PCDH15: variants seen among roughly 807,000 people sequenced by gnomAD.
PCDH15 encodes protocadherin-15.
A neutral mutation model predicts 178.5 loss-of-function variants in PCDH15; 129 were observed. The ratio of observed to expected loss-of-function variants is 0.72; its 90% CI spans 0.63 to 0.84. The LOEUF (loss-of-function observed/expected upper bound fraction) is 0.84. Among genes scored for constraint, PCDH15 ranks in the 40% least tolerant of loss-of-function variants. PCDH15 has a pLI of 0.00. For missense variants in PCDH15, 2,230 were observed against 2,099.9 expected (o/e 1.06, Z -1.21); for synonymous variants, 800 against 732.0 (o/e 1.09, Z -1.50).
chr10:54,659,658 G>C (rs1369197098), intron 2 of PCDH15, among the ~76,000 whole-genome samples: 1 of 151,794 alleles, frequency 6.6e-6, no homozygotes, highest in East Asian at 1.9e-4. Flanking sequence ...GGAAACTGAG[G>C]CAGGAAAATC....
chr10:54,623,687 T>A (rs1037383975), intron 2 of PCDH15, among the ~76,000 whole-genome samples: 1 of 152,144 alleles, frequency 6.6e-6, no homozygotes, highest in African/African-American at 2.4e-5. Flanking sequence ...TGACCCTTAT[T>A]ATTTAAAATG....
intron 2 of PCDH15, among the ~76,000 whole-genome samples, chr10:54,962,062 C>A (rs1372292645): frequency 6.6e-6 from 1 of 152,244 alleles, no homozygotes; most frequent in Non-Finnish European, 1.5e-5. Flanking sequence ...CTCCAGTTGT[C>A]CACATAACCT....
At chr10:54,613,169 A>G (rs1048364720) in intron 2 of PCDH15, among the ~76,000 whole-genome samples, 1 of 151,864 alleles carries the variant, frequency 6.6e-6, no homozygotes, top group Admixed American at 6.6e-5. Context: ...TAGAGAGTGA[A>G]AGAGTTCACT....
chr10:54,041,788 C>G (rs1338965037), intron 18 of PCDH15, among the ~76,000 whole-genome samples: 1 of 152,052 alleles, frequency 6.6e-6, no homozygotes, highest in Non-Finnish European at 1.5e-5. Context: ...AACTCTTAAA[C>G]TTTAGTTTTC....
chr10:55,226,359 G>GTTTTGT (rs138845232), intron 1 of PCDH15, among the ~76,000 whole-genome samples: 1,556 of 151,578 alleles, frequency 0.01, 27 homozygotes, highest in African/African-American at 0.033. Context: ...TTTTTGTTTT[G>GTTTTGT]TTTTGTTTTT....
rs12412822 is a variant in PCDH15, at chr10:53,828,719, C to T, written c.4203-146G>A. On this transcript the variant is annotated intron_variant, in intron 30 of 37. Coordinates refer to ENST00000644397, the MANE Select transcript of PCDH15 (RefSeq NM_001384140.1). Reference sequence around the variant, plus strand: ...CAGAGTTAATGACAGACTAAGAAAACTAAGGATATCAATTCAAAAGGTGAA... The same window carrying T: ...CAGAGTTAATGACAGACTAAGAAAATTAAGGATATCAATTCAAAAGGTGAA... The T allele has an allele frequency of 0.039, 26,891 of 690,300 alleles. 1,007 individuals are homozygous for T. Among genetic ancestry groups the T allele is most frequent in the East Asian group, 0.13 (4,820 of 36,374 alleles). 42.8% of individuals were successfully genotyped at this position (690,300 alleles called of 1,614,324 possible).
chr10:54,781,048 C>A (rs972626264), intron 1 of PCDH15, among the ~76,000 whole-genome samples: 2 of 152,118 alleles, frequency 1.3e-5, no homozygotes, highest in Admixed American at 1.3e-4. Flanking sequence ...TTTATTACCT[C>A]TACCTAAGCC....
At chr10:54,295,629 C>T (rs1251718878) in intron 8 of PCDH15, among the ~76,000 whole-genome samples, 2 of 152,154 alleles carry the variant, frequency 1.3e-5, no homozygotes, top group Non-Finnish European at 2.9e-5. Flanking sequence ...TCCGGACATA[C>T]CATCTTTAAG....
chr10:55,139,686 T>G (rs533420029), intron 2 of PCDH15, among the ~76,000 whole-genome samples: 43 of 152,170 alleles, frequency 2.8e-4, no homozygotes, highest in Non-Finnish European at 5.3e-4. Context: ...TAGTCCTGAT[T>G]GCTATACATT....
chr10:54,984,684 T>A (rs930491913), intron 2 of PCDH15, among the ~76,000 whole-genome samples: 8 of 152,064 alleles, frequency 5.3e-5, no homozygotes, highest in Non-Finnish European at 5.9e-5. Context: ...ACAAAAAAAA[T>A]TTAAAAATTA....
At chr10:55,137,760 T>C (rs953746564) in intron 2 of PCDH15, among the ~76,000 whole-genome samples, 1 of 152,088 alleles carries the variant, frequency 6.6e-6, no homozygotes, top group South Asian at 2.1e-4. Flanking sequence ...AATAAAATTA[T>C]GAGCTTACAG....
At chr10:54,996,072 A>G (rs1320646671) in intron 2 of PCDH15, among the ~76,000 whole-genome samples, 1 of 152,144 alleles carries the variant, frequency 6.6e-6, no homozygotes, top group Non-Finnish European at 1.5e-5. Context: ...CTGAACCCCT[A>G]GCATTTCAGT....
intron 2 of PCDH15, among the ~76,000 whole-genome samples, chr10:55,355,572 T>A (rs922121006): frequency 4.6e-5 from 7 of 152,022 alleles, no homozygotes; most frequent in South Asian, 2.1e-4. Flanking sequence ...TTCCAATTTT[T>A]AAAAAACTGA....
At chr10:55,052,015 A>C (rs1841174580) in intron 2 of PCDH15, among the ~76,000 whole-genome samples, 1 of 152,168 alleles carries the variant, frequency 6.6e-6, no homozygotes, top group Admixed American at 6.5e-5. Context: ...GTAAAAGATA[A>C]GAATTTGTAA....
At chr10:55,092,018 C>T (rs1470141387) in intron 2 of PCDH15, among the ~76,000 whole-genome samples, 2 of 151,854 alleles carry the variant, frequency 1.3e-5, no homozygotes, top group Non-Finnish European at 2.9e-5. Context: ...CATTCTCCCT[C>T]ATTCCATTTT....
intron 2 of PCDH15, among the ~76,000 whole-genome samples, chr10:55,565,491 A>G (rs1270340863): frequency 6.6e-6 from 1 of 151,684 alleles, no homozygotes; most frequent in Non-Finnish European, 1.5e-5. Flanking sequence ...AGAAGAAGAA[A>G]GAAGATAATA....
At chr10:53,989,775 G>A (rs1486146902) in intron 21 of PCDH15, among the ~76,000 whole-genome samples, 1 of 152,032 alleles carries the variant, frequency 6.6e-6, no homozygotes, top group Admixed American at 6.6e-5. Flanking sequence ...CAGAGTCTCT[G>A]CTACATTGTT....
intron 3 of PCDH15, among the ~76,000 whole-genome samples, chr10:54,403,600 A>G (rs112596911): frequency 0.026 from 3,977 of 152,130 alleles, 167 homozygotes; most frequent in African/African-American, 0.089. Context: ...CAGAGCACTC[A>G]GGCAAGGGAA....
rs567298003 is a variant in PCDH15, at chr10:55,177,964, T to C, written c.-155-11313A>G. 3.3e-5 allele frequency among the ~76,000 whole-genome samples: 5 copies of C among 152,298 alleles called. No homozygotes were observed. The East Asian group carries it at 7.7e-4, about 24-fold the overall frequency. ...GCACACCTCTTTCTTCGAGCACAAG[T>C]GCTCAACTAGTTCAGCTAATTGTCC... On this transcript the variant is annotated intron_variant, in intron 1 of 5. Coordinates refer to the PCDH15 transcript ENST00000458638.
Sources: gnomAD v4.1 joint callset for allele counts (sites outside exome capture counted in the v4.1 genomes callset) on GRCh38, gnomAD v4.1.1 for gene constraint, MANE v1.5 for transcripts, NCBI Gene and HGNC (gene_info 2026-07-23, HGNC 2026-07-21) for gene names.